MYO9A: variants seen among roughly 807,000 people sequenced by gnomAD.
MYO9A encodes the protein myosin IXA.
MYO9A carries 103 observed loss-of-function variants against 293.3 expected under a neutral mutation model. The ratio of observed to expected loss-of-function variants is 0.35; its 90% CI spans 0.30 to 0.41. MYO9A has a LOEUF of 0.41. MYO9A is among the 10% of genes least tolerant of loss of function. MYO9A has a pLI of 1.00. For missense variants in MYO9A, 2,685 were observed against 3,033.0 expected, an observed-to-expected ratio of 0.89 and a Z score of 2.69; for synonymous variants, 1,001 against 1,035.7, an observed-to-expected ratio of 0.97 and a Z score of 0.64.
At chr15:71,836,047 A>C (rs1393916848) in intron 39 of MYO9A, among the ~76,000 whole-genome samples, 1 of 152,110 alleles carries the variant, frequency 6.6e-6, no homozygotes, top group Non-Finnish European at 1.5e-5. Flanking sequence ...GATTAACAAC[A>C]TTAAAATCCA....
intron 12 of MYO9A, among the ~76,000 whole-genome samples, chr15:71,971,603 G>GAAAAAAAAAAAAAAAAAAAAAAAA (rs10709554): frequency 1.4e-5 from 2 of 141,608 alleles, no homozygotes. Context: ...GAAAAAAAAA[G>GAAAAAAAAAAAAAAAAAAAAAAAA]AAAAAAAAAA....
At chr15:72,104,581 A>G (rs1169517994) in intron 1 of MYO9A, among the ~76,000 whole-genome samples, 1 of 152,238 alleles carries the variant, frequency 6.6e-6, no homozygotes, top group Non-Finnish European at 1.5e-5. Context: ...ATTTTGATCA[A>G]TAAATGAAAC....
chr15:72,049,260 T>A (rs991863787), intron 1 of MYO9A, among the ~76,000 whole-genome samples: 2 of 152,246 alleles, frequency 1.3e-5, no homozygotes, highest in Non-Finnish European at 2.9e-5. Flanking sequence ...TCAATTGATA[T>A]TCAAATTTCC....
intron 28 of MYO9A, among the ~76,000 whole-genome samples, chr15:71,882,098 G>C (rs1379267045): frequency 6.6e-6 from 1 of 152,164 alleles, no homozygotes; most frequent in Non-Finnish European, 1.5e-5. Context: ...GAAGCTTGAT[G>C]ATCTTTCCTC....
At chr15:71,878,876 C>G (rs1195302458) in intron 30 of MYO9A, among the ~76,000 whole-genome samples, 1 of 151,622 alleles carries the variant, frequency 6.6e-6, no homozygotes. Context: ...CCTGCCTCAG[C>G]CTCCCCAGTA....
At position 71,823,865 on chromosome 15, in the gene MYO9A, C is replaced by T. The variant is rs2054363487; in HGVS notation, c.*2715G>A. On this transcript the variant is annotated 3_prime_UTR_variant, in exon 42 of 42. Coordinates refer to ENST00000356056, the MANE Select transcript of MYO9A (RefSeq NM_006901.4). ...GCAAAGGAGAAGCACTATGGAACCA[C>T]AAATGTGATGCATATTAAGGGCTAA... is the stretch of plus-strand genomic sequence containing the variant. The T allele has an allele frequency of 6.6e-6, 1 of 152,164 alleles. No homozygotes were observed. Among genetic ancestry groups the T allele is most frequent in the South Asian group, 2.1e-4 (1 of 4,824 alleles). The allele number at this position is 152,164 out of a possible 1,614,324, so 9.4% of individuals were successfully genotyped here.
chr15:72,045,716 A>G lies in MYO9A; in HGVS notation c.840+8T>C, dbSNP rs370470922. ...TTAAAATCAAAAATAAGATTTCTAT[A>G]TATTTACCTCAAGTACTGGTCCAGC... On this transcript the variant is annotated splice_region_variant and intron_variant, in intron 2 of 41. Transcript: ENST00000356056. 3.0e-4 allele frequency: 461 copies of G among 1,560,976 alleles called. No individual in the cohort carries two copies. The highest frequency in any genetic ancestry group is 3.7e-4 in the Non-Finnish European group (432 of 1,159,060).
At chr15:71,933,009 A>C (rs1596227631) in intron 18 of MYO9A, among the ~76,000 whole-genome samples, 1 of 151,970 alleles carries the variant, frequency 6.6e-6, no homozygotes, top group Non-Finnish European at 1.5e-5. Flanking sequence ...GCAAAAAAAT[A>C]AAAAAATAAA....
chr15:71,844,018 T>C (rs967802000), intron 39 of MYO9A, among the ~76,000 whole-genome samples: 1 of 152,242 alleles, frequency 6.6e-6, no homozygotes, highest in Admixed American at 6.5e-5. Flanking sequence ...AACTTAAGGT[T>C]TCCCTTCTGC....
chr15:71,901,489 T>A (rs1371858804), intron 22 of MYO9A, 149 bp from the exon 23 acceptor site: 1 of 826,244 alleles, frequency 1.2e-6, no homozygotes, highest in East Asian at 2.8e-5. Flanking sequence ...TCCTACAGAT[T>A]TATCCAAAGT....
In MYO9A at chr15:71,942,161, T is replaced by C. The variant is rs531760105; in HGVS notation, c.2303-3234A>G. ...AACAAATGATATATGGAAAAATATG[T>C]ATGAATACATGCATAACTATGTTGC... On this transcript the variant is annotated intron_variant, in intron 15 of 41. Coordinates refer to ENST00000356056, the MANE Select transcript of MYO9A (RefSeq NM_006901.4). Among the ~76,000 whole-genome samples the C allele has an allele frequency of 2.0e-5, 3 of 152,174 alleles. No individual in the cohort carries two copies. In the East Asian group the frequency reaches 5.8e-4, roughly 29 times the overall value.
intron 27 of MYO9A, among the ~76,000 whole-genome samples, chr15:71,887,547 T>C (rs2057057272): frequency 6.6e-6 from 1 of 152,118 alleles, no homozygotes. Flanking sequence ...CCCCATAAAT[T>C]TACCTTCCCA....
intron 18 of MYO9A, among the ~76,000 whole-genome samples, chr15:71,922,372 C>T (rs1237979483): frequency 6.6e-6 from 1 of 152,100 alleles, no homozygotes; most frequent in Non-Finnish European, 1.5e-5. Flanking sequence ...ATTTATGGGG[C>T]ACAATGTGAT....
rs2957742 is a variant in MYO9A, at chr15:72,010,553, G to C, written c.1156-106C>G. ...AGGATAGGTACCTGTATGTATAAAT[G>C]CAAATTAGAGCTGGTAGAATAGTAA... is the stretch of plus-strand genomic sequence containing the variant. On this transcript the variant is annotated intron_variant, in intron 6 of 41. Transcript: ENST00000356056. The C allele has an allele frequency of 0.7, 634,948 of 913,248 alleles. 224,796 individuals carry two copies. The highest frequency in any genetic ancestry group is 0.74 in the Non-Finnish European group (440,448 of 598,724). The allele number at this position is 913,248 out of a possible 1,614,324, so 56.6% of individuals were successfully genotyped here. A position where few individuals can be genotyped will look rare whatever the true frequency, so the allele number is the denominator to read the frequency against.
At chr15:72,101,893 G>C (rs909837913) in intron 1 of MYO9A, among the ~76,000 whole-genome samples, 1 of 152,068 alleles carries the variant, frequency 6.6e-6, no homozygotes, top group African/African-American at 2.4e-5. Context: ...ACCGGCCAGC[G>C]GCCCCGCCCG....
chr15:71,849,963 T>G, intron 38 of MYO9A, 73 bp downstream of exon 38: 14 of 1,071,554 alleles, frequency 1.3e-5, no homozygotes, highest in Non-Finnish European at 1.8e-5. Context: ...TCACTATGTT[T>G]GATATCTGGA....
chr15:71,977,421 C>G (rs2147795576), intron 12 of MYO9A, among the ~76,000 whole-genome samples: 1 of 152,142 alleles, frequency 6.6e-6, no homozygotes, highest in African/African-American at 2.4e-5. Context: ...ATTTTCAGCA[C>G]AGACAAGATT....
At chr15:72,028,776 A>G (rs1596415180) in intron 3 of MYO9A, among the ~76,000 whole-genome samples, 1 of 152,356 alleles carries the variant, frequency 6.6e-6, no homozygotes, top group East Asian at 1.9e-4. Flanking sequence ...CATAAGGCTC[A>G]AAGATATACA....
At chr15:71,944,680 G>A (rs1279737346) in intron 15 of MYO9A, among the ~76,000 whole-genome samples, 1 of 127,196 alleles carries the variant, frequency 7.9e-6, no homozygotes, top group African/African-American at 3.0e-5. Flanking sequence ...ATCTACTTCT[G>A]TACTTTGTAT....
Sources: gnomAD v4.1 joint callset for allele counts (sites outside exome capture counted in the v4.1 genomes callset) on GRCh38, gnomAD v4.1.1 for gene constraint, MANE v1.5 for transcripts, NCBI Gene and HGNC (gene_info 2026-07-23, HGNC 2026-07-21) for gene names.